USP14: variants seen among roughly 807,000 people sequenced by gnomAD.
USP14 encodes the protein ubiquitin specific peptidase 14.
Under a neutral mutation model 76.5 loss-of-function variants are expected in USP14, and 38 were observed. The observed-to-expected ratio is 0.50, with a 90% CI of 0.38 to 0.65. The LOEUF (loss-of-function observed/expected upper bound fraction) is 0.65. Among genes scored for constraint, USP14 ranks in the 30% least tolerant of loss-of-function variants. USP14 has a pLI of 0.00. For synonymous variants in USP14, 192 were observed against 191.7 expected, an observed-to-expected ratio of 1.00 and a Z score of -0.01; for missense variants, 467 against 586.5, an observed-to-expected ratio of 0.80 and a Z score of 2.10.
rs748172003 is a variant in USP14, at chr18:210,022, T to A, written c.1216T>A (p.Phe406Ile). The part of the protein sequence containing the change: ...QKEVKYEPFS[F>I]ADDIGSNNCG... Reference sequence around the variant, plus strand: ...AGAAGTTAAGTATGAACCCTTTTCTTTTGCTGATGGTAAGTAACATTCTCA... The same window carrying A: ...AGAAGTTAAGTATGAACCCTTTTCTATTGCTGATGGTAAGTAACATTCTCA... The change falls in exon 14 of 16, where the codon TTT (phenylalanine) becomes ATT (isoleucine). Residue 406 changes from phenylalanine to isoleucine, a missense_variant. Transcript: ENST00000261601. The A allele has an allele frequency of 3.7e-6, 6 of 1,604,738 alleles. No individual in the cohort carries two copies. The South Asian group carries it at 6.8e-5, about 18-fold the overall frequency.
intron 2 of USP14, among the ~76,000 whole-genome samples, chr18:163,861 C>A (rs1442750103): frequency 2.0e-5 from 3 of 151,798 alleles, no homozygotes; most frequent in African/African-American, 7.3e-5. Flanking sequence ...CACTCTCCAC[C>A]CTCAAGTAAG....
At chr18:173,662 A>T (rs560961063) in intron 3 of USP14, among the ~76,000 whole-genome samples, 30 of 152,024 alleles carry the variant, frequency 2.0e-4, no homozygotes, top group African/African-American at 6.8e-4. Context: ...ACCTCAGGTG[A>T]TCCGCCCACC....
intron 5 of USP14, among the ~76,000 whole-genome samples, chr18:183,420 T>C (rs928041505): frequency 6.6e-6 from 1 of 152,110 alleles, no homozygotes; most frequent in African/African-American, 2.4e-5. Context: ...CTGAGGACTC[T>C]TGTCGCAAAC....
chr18:160,842 T>C (rs1175446632), intron 1 of USP14, among the ~76,000 whole-genome samples: 1 of 152,234 alleles, frequency 6.6e-6, no homozygotes, highest in Non-Finnish European at 1.5e-5. Flanking sequence ...TCTAATAGTA[T>C]TCAAACCAGA....
Position 165,922 on chromosome 18 carries a change from A to T in USP14, c.163-865A>T, listed in dbSNP as rs191819923. The stretch of plus-strand genomic sequence containing the variant: ...CCCGATACCTTCTATAAAAGGGAGT[A>T]ATATAGAATCGACTTTATCCTATGA... On this transcript the variant is annotated intron_variant, in intron 2 of 15. Transcript: ENST00000261601. Among the ~76,000 whole-genome samples, 17 of 152,332 alleles carry T rather than the reference A, an allele frequency of 1.1e-4. No individual in the cohort carries two copies. In the East Asian group the frequency reaches 3.3e-3, roughly 29 times the overall value.
intron 3 of USP14, among the ~76,000 whole-genome samples, chr18:178,195 T>C (rs1172976530): frequency 6.6e-6 from 1 of 152,124 alleles, no homozygotes; most frequent in Non-Finnish European, 1.5e-5. Flanking sequence ...AATATTGGTA[T>C]TTTTTGTAGA....
At chr18:162,317 G>C (rs1185304170) in intron 1 of USP14, among the ~76,000 whole-genome samples, 6 of 152,162 alleles carry the variant, frequency 3.9e-5, no homozygotes, top group Non-Finnish European at 8.8e-5. Context: ...CCCCAGCAGT[G>C]TACAAGTGTT....
chr18:188,358 A>G (rs1201523355), intron 5 of USP14, among the ~76,000 whole-genome samples: 1 of 152,140 alleles, frequency 6.6e-6, no homozygotes, highest in Non-Finnish European at 1.5e-5. Context: ...ACATTATGTT[A>G]ATAGTTAGCC....
In USP14 at chr18:204,824, A is replaced by G. The variant is rs533822090; in HGVS notation, c.1164+132A>G. Reference sequence around the variant, plus strand: ...ACTTTGTATAGTATTATTTGGATCAATCTGTATTACAATTAGCAGGTATAC... The same window carrying G: ...ACTTTGTATAGTATTATTTGGATCAGTCTGTATTACAATTAGCAGGTATAC... On this transcript the variant is annotated intron_variant, in intron 13 of 15. Transcript: ENST00000261601. 4.0e-5 allele frequency: 28 copies of G among 705,012 alleles called. No homozygotes were observed. In the East Asian group the frequency reaches 7.4e-4, roughly 19 times the overall value. 43.7% of individuals were successfully genotyped at this position (705,012 alleles called of 1,614,324 possible). A position where few individuals can be genotyped will look rare whatever the true frequency, so the allele number is the denominator to read the frequency against.
At position 166,812 on chromosome 18, in the gene USP14, T is replaced by TA; in HGVS notation, c.194dup (p.Asn65LysfsTer48). Reference sequence around the variant, plus strand: ...GATGATGATTGGGGAAACATCAAAATAAAAAATGTAAGTATTATCTTATGA... The same window carrying TA: ...GATGATGATTGGGGAAACATCAAAATAAAAAAATGTAAGTATTATCTTATGA... On this transcript the variant is annotated frameshift_variant, in exon 3 of 16. Coordinates refer to ENST00000261601, the MANE Select transcript of USP14 (RefSeq NM_005151.4). LOFTEE classifies it high-confidence loss of function. The TA allele has an allele frequency of 1.2e-6, 2 of 1,611,570 alleles. No individual in the cohort carries two copies. The highest frequency in any genetic ancestry group is 1.7e-6 in the Non-Finnish European group (2 of 1,178,290).
Position 166,800 on chromosome 18 carries a change from G to A in USP14, c.176G>A (p.Gly59Glu), listed in dbSNP as rs142053454. 1.9e-6 allele frequency: 3 copies of A among 1,611,934 alleles called. No individual in the cohort carries two copies. Among genetic ancestry groups the A allele is most frequent in the Non-Finnish European group, 1.7e-6 (2 of 1,178,636 alleles). Reference protein sequence around the residue: ...KGGTLKDDDWGNIKIKNGMTL... With the variant: ...KGGTLKDDDWENIKIKNGMTL... The stretch of plus-strand genomic sequence containing the variant: ...TCTTTGAAACAGGATGATGATTGGG[G>A]AAACATCAAAATAAAAAATGTAAGT... The change falls in exon 3 of 16, where the codon GGA becomes GAA. Residue 59 changes from glycine (G) to glutamate (E), a missense_variant. Gly to Glu is a moderately conservative substitution (Grantham distance 98). Coordinates refer to ENST00000261601, the MANE Select transcript of USP14 (RefSeq NM_005151.4).
Position 158,588 on chromosome 18 carries a change from A to G in USP14, c.-111A>G, listed in dbSNP as rs1909015584. The G allele has an allele frequency of 8.5e-7, 1 of 1,175,706 alleles. No homozygotes were observed. 72.8% of individuals were successfully genotyped at this position (1,175,706 alleles called of 1,614,324 possible). A position where few individuals can be genotyped will look rare whatever the true frequency, so the allele number is the denominator to read the frequency against. Reference sequence around the variant, plus strand: ...GACTCGTCGCACCGAAGCCGCCGCCACCACCGCGCCTCCGCCTCGGCCGCC... The same window carrying G: ...GACTCGTCGCACCGAAGCCGCCGCCGCCACCGCGCCTCCGCCTCGGCCGCC... On this transcript the variant is annotated 5_prime_UTR_variant, in exon 1 of 16. Coordinates refer to ENST00000261601, the MANE Select transcript of USP14 (RefSeq NM_005151.4).
chr18:162,031 A>G (rs531181374), intron 1 of USP14, among the ~76,000 whole-genome samples: 3 of 152,300 alleles, frequency 2.0e-5, no homozygotes, highest in African/African-American at 4.8e-5. Context: ...TAGGTATCTC[A>G]TATAACCAGA....
chr18:166,969 G>C (rs1008118379), intron 3 of USP14, 150 bp downstream of exon 3: 75 of 665,242 alleles, frequency 1.1e-4, no homozygotes, highest in Non-Finnish European at 1.6e-4. Context: ...ACTTGTGTTG[G>C]GCTCTTTCTT....
At chr18:198,223 G>C in intron 9 of USP14, 91 bp downstream of exon 9, 1 of 1,166,840 alleles carries the variant, frequency 8.6e-7, no homozygotes, top group Admixed American at 2.5e-5. Flanking sequence ...GTGGTGGGTA[G>C]AAGAAAAATT....
At chr18:173,401 A>G (rs143658251) in intron 3 of USP14, among the ~76,000 whole-genome samples, 3,812 of 144,864 alleles carry the variant, frequency 0.026, 61 homozygotes, top group Middle Eastern at 0.078. Context: ...TTGAGCCACC[A>G]TGCCCGGCCT....
At chr18:180,432 T>A (rs1334069567) in intron 5 of USP14, 93 bp downstream of exon 5, 5 of 735,632 alleles carry the variant, frequency 6.8e-6, no homozygotes, top group Non-Finnish European at 1.1e-5. Flanking sequence ...AATTGAGATA[T>A]AATTAATTTA....
chr18:169,398 C>T lies in USP14; in HGVS notation c.195+2579C>T, dbSNP rs768813282. Among the ~76,000 whole-genome samples the T allele has an allele frequency of 1.9e-3, 269 of 143,438 alleles. 3 individuals carry two copies. The highest frequency in any genetic ancestry group is 3.6e-3 in the Admixed American group (51 of 14,296). The allele number at this position is 143,438 out of a possible 152,430, so 94.1% of individuals were successfully genotyped here. A position where few individuals can be genotyped will look rare whatever the true frequency, so the allele number is the denominator to read the frequency against. On this transcript the variant is annotated intron_variant, in intron 3 of 15. Coordinates refer to ENST00000261601, the MANE Select transcript of USP14 (RefSeq NM_005151.4). ...AAAAAAAAAAGAGTGGACATCTTGT[C>T]TTATTCTAGTTCACTACAACTTAAA...
At chr18:202,755 A>T (rs1480897261) in intron 10 of USP14, 125 bp from the exon 11 acceptor site, 1 of 800,952 alleles carries the variant, frequency 1.2e-6, no homozygotes, top group African/African-American at 1.7e-5. Context: ...GTATAAACCC[A>T]TTGATGTACT....
Sources: allele counts gnomAD v4.1 joint callset (sites outside exome capture counted in the v4.1 genomes callset), GRCh38; gene constraint gnomAD v4.1.1; transcripts MANE v1.5; gene names NCBI Gene and HGNC (gene_info 2026-07-23, HGNC 2026-07-21).